The following RAB11A variants were observed in gnomAD, a reference collection of about 807,000 sequenced individuals.
RAB11A encodes the protein ras-related protein Rab-11A.
RAB11A carries 9 observed loss-of-function variants against 28.0 expected under a neutral mutation model. That is an observed-to-expected ratio of 0.32 (90% CI 0.19 to 0.56). RAB11A has a LOEUF of 0.56. Ranked by LOEUF, RAB11A falls within the 20% of genes least tolerant of loss-of-function variation. RAB11A has a pLI of 0.91. For synonymous variants in RAB11A, 85 were observed against 88.2 expected, an observed-to-expected ratio of 0.96 and a Z score of 0.20; for missense variants, 108 against 269.6, an observed-to-expected ratio of 0.40 and a Z score of 4.20.
chr15:65,884,935 T>C (rs951559302), intron 4 of RAB11A, among the ~76,000 whole-genome samples: 10 of 151,306 alleles, frequency 6.6e-5, no homozygotes, highest in African/African-American at 2.2e-4. Flanking sequence ...CAAATGAATA[T>C]ACCAATTCCT....
chr15:65,872,186 T>A (rs778313076), intron 1 of RAB11A, among the ~76,000 whole-genome samples: 2 of 151,966 alleles, frequency 1.3e-5, no homozygotes, highest in Non-Finnish European at 2.9e-5. Context: ...ACTCCTGGAC[T>A]TAAGCAATCC....
At chr15:65,886,224 T>G (rs1321866546) in intron 4 of RAB11A, among the ~76,000 whole-genome samples, 1 of 152,200 alleles carries the variant, frequency 6.6e-6, no homozygotes, top group Non-Finnish European at 1.5e-5. Context: ...TTGTTTTGTA[T>G]CTGGGATGTT....
rs544245304 is a variant in RAB11A, at chr15:65,883,016, C to T, written c.511+3265C>T. 3.3e-5 allele frequency among the ~76,000 whole-genome samples: 5 copies of T among 152,178 alleles called. No individual in the cohort carries two copies. In the East Asian group the frequency reaches 9.6e-4, roughly 29 times the overall value. ...CGCTCTAAATATATACATATTTTTT[C>T]GGCACCATGTGAGATTAAGTGGCAG... On this transcript the variant is annotated intron_variant, in intron 4 of 4. Coordinates refer to ENST00000261890, the MANE Select transcript of RAB11A (RefSeq NM_004663.5).
chr15:65,886,433 G>A (rs1245124130), intron 4 of RAB11A, among the ~76,000 whole-genome samples: 2 of 152,124 alleles, frequency 1.3e-5, no homozygotes, highest in African/African-American at 4.8e-5. Context: ...TTTTTGTCAG[G>A]AATACATGGT....
chr15:65,890,058 AT>A lies in RAB11A; in HGVS notation c.*2235del, dbSNP rs200136737. ...TGATTTTCAGTTATTTTAACTTTGA[AT>A]TTTTTTTTTTTTTTTTGAGACGGAG... is the stretch of plus-strand genomic sequence containing the variant. On this transcript the variant is annotated 3_prime_UTR_variant, in exon 5 of 5. Coordinates refer to ENST00000261890, the MANE Select transcript of RAB11A (RefSeq NM_004663.5). 10,224 of 142,294 alleles carry A rather than the reference AT, an allele frequency of 0.072. 307 individuals carry two copies. The highest frequency in any genetic ancestry group is 0.099 in the Middle Eastern group (27 of 272). 8.8% of individuals were successfully genotyped at this position (142,294 alleles called of 1,614,324 possible). A position where few individuals can be genotyped will look rare whatever the true frequency, so the allele number is the denominator to read the frequency against.
Position 65,879,704 on chromosome 15 carries a change from C to T in RAB11A, c.464C>T (p.Ala155Val). The T allele has an allele frequency of 6.2e-7, 1 of 1,600,668 alleles. No homozygotes were observed. The highest frequency in any genetic ancestry group is 8.6e-7 in the Non-Finnish European group (1 of 1,168,570). Residue 155 changes from alanine (A) to valine (V), a missense_variant, in exon 4 of 5, where the codon GCC (alanine) becomes GTC (valine). Physicochemically the swap from Ala to Val is moderately conservative, Grantham distance 64. Transcript: ENST00000261890. ...KNGLSFIETS[A>V]LDSTNVEAAF... Reference sequence around the variant, plus strand: ...GGTTTGTCATTCATTGAAACTTCGGCCCTAGACTCTACAAATGTAGAAGCT... The same window carrying T: ...GGTTTGTCATTCATTGAAACTTCGGTCCTAGACTCTACAAATGTAGAAGCT...
At position 65,890,344 on chromosome 15, in the gene RAB11A, AC is replaced by A. The variant is rs1405600907; in HGVS notation, c.*2506del. On this transcript the variant is annotated 3_prime_UTR_variant, in exon 5 of 5. Coordinates refer to ENST00000261890, the MANE Select transcript of RAB11A (RefSeq NM_004663.5). ...AGTGCTGGGATTAAAGGCGTGAGCC[AC>A]CGTGCCTGGCCTTGAATTTTTTTTT... 1.3e-5 allele frequency: 2 copies of A among 152,232 alleles called. No individual in the cohort carries two copies. Among genetic ancestry groups the A allele is most frequent in the Non-Finnish European group, 2.9e-5 (2 of 68,092 alleles). The allele number at this position is 152,232 out of a possible 1,614,324, so 9.4% of individuals were successfully genotyped here. A position where few individuals can be genotyped will look rare whatever the true frequency, so the allele number is the denominator to read the frequency against.
intron 1 of RAB11A, among the ~76,000 whole-genome samples, chr15:65,873,327 A>G (rs1467175709): frequency 6.6e-6 from 1 of 152,240 alleles, no homozygotes; most frequent in Non-Finnish European, 1.5e-5. Context: ...ATATCTGGAT[A>G]CATAGTCTAT....
At chr15:65,876,204 C>G (rs2078190572) in intron 1 of RAB11A, among the ~76,000 whole-genome samples, 1 of 152,108 alleles carries the variant, frequency 6.6e-6, no homozygotes. Context: ...CTATAGAAAT[C>G]ACAGGAAGCA....
intron 1 of RAB11A, among the ~76,000 whole-genome samples, chr15:65,875,346 C>T (rs2078185880): frequency 1.3e-5 from 2 of 151,952 alleles, no homozygotes; most frequent in African/African-American, 4.8e-5. Context: ...AACATCCAGC[C>T]TTTTGTACTA....
intron 4 of RAB11A, among the ~76,000 whole-genome samples, chr15:65,886,725 TCACAA>T (rs1201356862): frequency 6.6e-6 from 1 of 152,230 alleles, no homozygotes; most frequent in Non-Finnish European, 1.5e-5. Flanking sequence ...TATTTATTTA[TCACAA>T]CACATGTTAT....
chr15:65,886,563 A>G (rs1345780317), intron 4 of RAB11A, among the ~76,000 whole-genome samples: 3 of 152,198 alleles, frequency 2.0e-5, no homozygotes, highest in African/African-American at 4.8e-5. Context: ...TGGAGGGACA[A>G]CTGGGAGAGT....
At chr15:65,869,702 GCCACC>G (rs1235468971) in intron 1 of RAB11A, 77 bp downstream of exon 1, 3 of 1,488,020 alleles carry the variant, frequency 2.0e-6, no homozygotes, top group Non-Finnish European at 2.8e-6. Flanking sequence ...CCTCGTGCCG[GCCACC>G]CCTGCACTGA....
intron 1 of RAB11A, among the ~76,000 whole-genome samples, chr15:65,872,521 G>T (rs1051984685): frequency 7.4e-5 from 11 of 147,840 alleles, no homozygotes; most frequent in African/African-American, 2.8e-4. Context: ...TGCAACCTCT[G>T]CTTCCTGGGT....
intron 4 of RAB11A, among the ~76,000 whole-genome samples, chr15:65,884,335 C>G (rs138643332): frequency 6.6e-6 from 1 of 152,222 alleles, no homozygotes; most frequent in East Asian, 1.9e-4. Flanking sequence ...AACTGGGAGG[C>G]TCTTCTTTTT....
chr15:65,878,053 A>G (rs754764768), intron 3 of RAB11A, 98 bp downstream of exon 3: 1 of 1,169,618 alleles, frequency 8.5e-7, no homozygotes, highest in Non-Finnish European at 1.3e-6. Context: ...TCAGAGAGGT[A>G]AACATGAATG....
At chr15:65,881,161 G>A (rs1009369054) in intron 4 of RAB11A, among the ~76,000 whole-genome samples, 2 of 152,110 alleles carry the variant, frequency 1.3e-5, no homozygotes, top group African/African-American at 4.8e-5. Context: ...GCAGTCTTTG[G>A]AACACAGTAG....
chr15:65,871,096 A>G (rs1025798233), intron 1 of RAB11A, among the ~76,000 whole-genome samples: 1 of 152,218 alleles, frequency 6.6e-6, no homozygotes, highest in Admixed American at 6.5e-5. Flanking sequence ...AGTGTTAAGC[A>G]TGGTGACTGT....
chr15:65,876,389 C>T (rs575214315), intron 1 of RAB11A, among the ~76,000 whole-genome samples: 25 of 152,082 alleles, frequency 1.6e-4, no homozygotes, highest in African/African-American at 5.1e-4. Context: ...CTCTGCTTCC[C>T]GGGTTCAAGC....
Sources: gnomAD v4.1 joint callset for allele counts (sites outside exome capture counted in the v4.1 genomes callset) on GRCh38, gnomAD v4.1.1 for gene constraint, MANE v1.5 for transcripts, NCBI Gene and HGNC (gene_info 2026-07-23, HGNC 2026-07-21) for gene names.